Variants in GLRB observed in about 807,000 individuals in gnomAD.
GLRB encodes glycine receptor beta, also known as glycine receptor subunit beta.
GLRB carries 33 observed loss-of-function variants against 54.2 expected under a neutral mutation model. The ratio of observed to expected loss-of-function variants is 0.61; its 90% CI spans 0.46 to 0.81. GLRB has a LOEUF of 0.81. GLRB is among the 40% of genes least tolerant of loss of function. The pLI is 0.00. For missense variants in GLRB, 572 were observed against 584.6 expected, an observed-to-expected ratio of 0.98 and a Z score of 0.22; for synonymous variants, 209 against 208.2, an observed-to-expected ratio of 1.00 and a Z score of -0.03.
chr4:157,169,927 G>C (rs534252896), intron 9 of GLRB, among the ~76,000 whole-genome samples: 1 of 152,154 alleles, frequency 6.6e-6, no homozygotes, highest in South Asian at 2.1e-4. Flanking sequence ...GTCCTTGTTT[G>C]TGAATGTGGC....
intron 7 of GLRB, 78 bp from the exon 8 acceptor site, chr4:157,143,729 G>A: frequency 3.5e-6 from 5 of 1,410,318 alleles, no homozygotes; most frequent in South Asian, 1.2e-5. Flanking sequence ...GTGACTTACC[G>A]TTTCCAGGTC....
chr4:157,162,712 G>C (rs889727441), intron 9 of GLRB, among the ~76,000 whole-genome samples: 1 of 152,106 alleles, frequency 6.6e-6, no homozygotes, highest in African/African-American at 2.4e-5. Context: ...GTCTCAGTGG[G>C]GCACCCGGCT....
intron 8 of GLRB, among the ~76,000 whole-genome samples, chr4:157,145,461 G>C (rs1736772564): frequency 6.6e-6 from 1 of 152,198 alleles, no homozygotes; most frequent in Non-Finnish European, 1.5e-5. Flanking sequence ...ACATTCAGGA[G>C]TTAATAATGA....
At chr4:157,170,326 G>A in intron 9 of GLRB, 106 bp from the exon 10 acceptor site, 2 of 694,154 alleles carry the variant, frequency 2.9e-6, no homozygotes, top group Non-Finnish European at 5.0e-6. Flanking sequence ...TGTGACATAA[G>A]CAAATGCTTC....
chr4:157,167,467 G>C (rs1471526928), intron 9 of GLRB, among the ~76,000 whole-genome samples: 1 of 152,162 alleles, frequency 6.6e-6, no homozygotes, highest in Admixed American at 6.5e-5. Flanking sequence ...GTGCAAGTCT[G>C]TGTGTGTGTG....
At chr4:157,095,033 T>C (rs542277653) in intron 2 of GLRB, among the ~76,000 whole-genome samples, 3 of 152,292 alleles carry the variant, frequency 2.0e-5, no homozygotes, top group African/African-American at 7.2e-5. Flanking sequence ...ACCACATAGA[T>C]TGGAGAACTA....
At position 157,122,375 on chromosome 4, in the gene GLRB, G is replaced by A; in HGVS notation, c.275G>A (p.Gly92Glu). 7.6e-7 allele frequency: 1 copy of A among 1,309,330 alleles called. No homozygotes were observed. 81.1% of individuals were successfully genotyped at this position (1,309,330 alleles called of 1,614,324 possible). ...GTCAACATTTTTATTAACAGTTTTG[G>A]ATCCATTCAAGAAACAACAATGGTA... ...VVVNIFINSF[G>E]SIQETTMDYR... The change falls in exon 4 of 10, where the codon GGA (glycine) becomes GAA (glutamate). Residue 92 changes from glycine (G) to glutamate (E), a missense_variant. Coordinates refer to ENST00000264428, the MANE Select transcript of GLRB (RefSeq NM_000824.5).
intron 2 of GLRB, among the ~76,000 whole-genome samples, chr4:157,082,903 C>T (rs1734272810): frequency 6.6e-6 from 1 of 150,474 alleles, no homozygotes. Flanking sequence ...AAGAACATAG[C>T]TTAGCAGAGC....
chr4:157,102,923 T>G (rs1200634948), intron 2 of GLRB, among the ~76,000 whole-genome samples: 1 of 152,058 alleles, frequency 6.6e-6, no homozygotes, highest in Non-Finnish European at 1.5e-5. Flanking sequence ...TCCCAGCACT[T>G]TGGGAGGCCA....
intron 4 of GLRB, among the ~76,000 whole-genome samples, chr4:157,133,039 T>G (rs1736273795): frequency 6.6e-6 from 1 of 151,916 alleles, no homozygotes; most frequent in African/African-American, 2.4e-5. Flanking sequence ...TTTTGAAGAA[T>G]TAGTAAAATG....
chr4:157,124,803 C>T (rs1035256915), intron 4 of GLRB, among the ~76,000 whole-genome samples: 2 of 151,578 alleles, frequency 1.3e-5, no homozygotes, highest in African/African-American at 2.4e-5. Context: ...TTATATTGAC[C>T]GACATGCCTA....
intron 2 of GLRB, among the ~76,000 whole-genome samples, chr4:157,082,786 A>T (rs1431739486): frequency 6.6e-6 from 1 of 152,080 alleles, no homozygotes; most frequent in Non-Finnish European, 1.5e-5. Flanking sequence ...GTGAGACAGA[A>T]TTAGGATCCG....
At chr4:157,127,289 G>T (rs1204855760) in intron 4 of GLRB, among the ~76,000 whole-genome samples, 2 of 151,520 alleles carry the variant, frequency 1.3e-5, no homozygotes, top group Admixed American at 6.6e-5. Flanking sequence ...AGACATATTT[G>T]TCCCATTTTT....
At position 157,076,162 on chromosome 4, in the gene GLRB, C is replaced by T. The variant is rs1051486159; in HGVS notation, c.-165C>T. 6.7e-6 allele frequency: 1 copy of T among 149,470 alleles called. No individual in the cohort carries two copies. The highest frequency in any genetic ancestry group is 6.7e-5 in the Admixed American group (1 of 15,016). The allele number at this position is 149,470 out of a possible 1,614,324, so 9.3% of individuals were successfully genotyped here. A position where few individuals can be genotyped will look rare whatever the true frequency, so the allele number is the denominator to read the frequency against. On this transcript the variant is annotated 5_prime_UTR_variant, in exon 1 of 10. Transcript: ENST00000264428. ...CCGCGGCCCGAGCAGGCGCGTCAGC[C>T]GAGCTCGGCGGTGGCGCGGGCGGCT...
In GLRB at chr4:157,117,031, C is replaced by T. The variant is rs926161011; in HGVS notation, c.123-3525C>T. ...AACAATGTTGAGTTTTTGTTGCTAA[C>T]GAACAAAAATTTGTTTTTAACAGTG... is the stretch of plus-strand genomic sequence containing the variant. On this transcript the variant is annotated intron_variant, in intron 2 of 9. Transcript: ENST00000264428. Among the ~76,000 whole-genome samples the T allele has an allele frequency of 4.6e-5, 7 of 151,284 alleles. No homozygotes were observed. In the East Asian group the frequency reaches 7.8e-4, roughly 17 times the overall value.
chr4:157,154,939 CTGAT>C (rs1737169758), intron 9 of GLRB, among the ~76,000 whole-genome samples: 1 of 152,082 alleles, frequency 6.6e-6, no homozygotes, highest in Non-Finnish European at 1.5e-5. Context: ...ATCCCTTAAG[CTGAT>C]GTTTATAATT....
rs1436466079 is a variant in GLRB at position 157,145,078 on chromosome 4, TTTG to T, written c.904+1128_904+1130del. On this transcript the variant is annotated intron_variant, in intron 8 of 9. Transcript: ENST00000264428. ...AAATATATATTTCTCTCAAATAATT[TTTG>T]TTGTTGTTATTCATTAGAAGTTTCT... Among the ~76,000 whole-genome samples, 245 of 152,326 alleles carry T rather than the reference TTTG, an allele frequency of 1.6e-3. 1 individual carries two copies. The highest frequency in any genetic ancestry group is 5.5e-3 in the African/African-American group (227 of 41,574).
rs182426275 is a variant in GLRB at position 157,166,483 on chromosome 4, A to T, written c.1198-3949A>T. Reference sequence around the variant, plus strand: ...TTTCTTTGTGTAAAATCTGTGATGAATGGGGCAAGGAGACTAGCCAACTAC... The same window carrying T: ...TTTCTTTGTGTAAAATCTGTGATGATTGGGGCAAGGAGACTAGCCAACTAC... On this transcript the variant is annotated intron_variant, in intron 9 of 9. Coordinates refer to ENST00000264428, the MANE Select transcript of GLRB (RefSeq NM_000824.5). Among the ~76,000 whole-genome samples, 31 of 152,200 alleles carry T rather than the reference A, an allele frequency of 2.0e-4. 1 individual carries two copies. Among genetic ancestry groups the T allele is most frequent in the Admixed American group, 1.3e-3 (20 of 15,288 alleles).
At chr4:157,080,645 G>T (rs1263099281) in intron 2 of GLRB, among the ~76,000 whole-genome samples, 1 of 152,164 alleles carries the variant, frequency 6.6e-6, no homozygotes, top group African/African-American at 2.4e-5. Context: ...GATCCAGTTT[G>T]CTTAGCCTGT....
Sources: gnomAD v4.1 joint callset for allele counts (sites outside exome capture counted in the v4.1 genomes callset) on GRCh38, gnomAD v4.1.1 for gene constraint, MANE v1.5 for transcripts, NCBI Gene and HGNC (gene_info 2026-07-23, HGNC 2026-07-21) for gene names.